PRKN: variants seen among roughly 807,000 people sequenced by gnomAD.
The protein encoded by PRKN is parkin RBR E3 ubiquitin protein ligase.
Under a neutral mutation model 59.5 loss-of-function variants are expected in PRKN, and 56 were observed. The observed-to-expected ratio is 0.94, with a 90% CI of 0.76 to 1.18. PRKN has a LOEUF of 1.18. Ranked by LOEUF, PRKN falls within the 50% of genes most tolerant of loss-of-function variation. The pLI is 0.00. For synonymous variants in PRKN, 250 were observed against 222.1 expected (o/e 1.13, Z -1.12); for missense variants, 657 against 596.4 (o/e 1.10, Z -1.06).
chr6:161,959,580 C>T (rs1485846345), intron 6 of PRKN, among the ~76,000 whole-genome samples: 1 of 152,206 alleles, frequency 6.6e-6, no homozygotes, highest in Non-Finnish European at 1.5e-5. Context: ...TACGTGTCCA[C>T]ACTATTCCTC....
rs964539008 is a variant in PRKN at position 161,372,788 on chromosome 6, C to G, written c.1168-12583G>C. ...CGGAGAACTACTGCTCGCAGAAGGT[C>G]TACATACACTGTGGTCAACAAAGAC... On this transcript the variant is annotated intron_variant, in intron 10 of 11. Coordinates refer to ENST00000366898, the MANE Select transcript of PRKN (RefSeq NM_004562.3). This position sits in a 1 kb window ranked among gnomAD's most constrained non-coding sequence, Gnocchi z 4.2. Among the ~76,000 whole-genome samples, 28 of 149,972 alleles carry G rather than the reference C, an allele frequency of 1.9e-4. No homozygotes were observed. The highest frequency in any genetic ancestry group is 3.8e-4 in the Non-Finnish European group (26 of 67,692).
chr6:161,496,989 T>C (rs1335761564), intron 9 of PRKN, among the ~76,000 whole-genome samples: 1 of 152,342 alleles, frequency 6.6e-6, no homozygotes, highest in East Asian at 1.9e-4. Flanking sequence ...ATTTCTGCTG[T>C]TCTACGCCAC....
At chr6:161,559,356 T>G (rs1453565436) in intron 8 of PRKN, among the ~76,000 whole-genome samples, 2 of 152,206 alleles carry the variant, frequency 1.3e-5, no homozygotes, top group East Asian at 3.9e-4. Context: ...CTTCAGAGAC[T>G]CCTGTAGACT....
rs145802493 is a variant in PRKN, at chr6:161,584,582, A to C, written c.872-15166T>G. On this transcript the variant is annotated intron_variant, in intron 7 of 11. Transcript: ENST00000366898. The surrounding 1 kb of genome is among the most constrained non-coding windows in gnomAD (Gnocchi z 4.8). ...AAGGTAAAAAGAAATGATGTTGAGG[A>C]TTTCCTGGTTTTATTGTAAGAGAGT... is the stretch of plus-strand genomic sequence containing the variant. 6.6e-6 allele frequency among the ~76,000 whole-genome samples: 1 copy of C among 152,240 alleles called. No individual in the cohort carries two copies. The highest frequency in any genetic ancestry group is 1.5e-5 in the Non-Finnish European group (1 of 68,016).
chr6:162,488,263 G>C (rs1792648484), intron 1 of PRKN, among the ~76,000 whole-genome samples: 1 of 151,970 alleles, frequency 6.6e-6, no homozygotes, highest in African/African-American at 2.4e-5. Flanking sequence ...AGAATCTCCA[G>C]GCATGCATGT....
intron 4 of PRKN, among the ~76,000 whole-genome samples, chr6:162,083,143 C>T (rs745931428): frequency 1.3e-4 from 19 of 151,850 alleles, no homozygotes; most frequent in Middle Eastern, 3.2e-3. Context: ...TTAATAGAGA[C>T]GGGGTTTTTC....
chr6:161,770,891 G>A (rs1789644882), intron 7 of PRKN, among the ~76,000 whole-genome samples: 1 of 152,218 alleles, frequency 6.6e-6, no homozygotes, highest in South Asian at 2.1e-4. Flanking sequence ...GACCACAGGA[G>A]GACACAGGCA....
At position 162,335,239 on chromosome 6, in the gene PRKN, G is replaced by A. The variant is rs535659423; in HGVS notation, c.172-72474C>T. ...GTATTTTTAGTAGAGATGGGGTTTC[G>A]CTAGGTTAGGCAGGGTGGTCTTGAA... On this transcript the variant is annotated intron_variant, in intron 2 of 11. Coordinates refer to ENST00000366898, the MANE Select transcript of PRKN (RefSeq NM_004562.3). Among the ~76,000 whole-genome samples, 18 of 150,622 alleles carry A rather than the reference G, an allele frequency of 1.2e-4. No individual in the cohort carries two copies. The East Asian group carries it at 2.7e-3, about 23-fold the overall frequency.
chr6:162,506,616 G>A (rs1793618408), intron 1 of PRKN, among the ~76,000 whole-genome samples: 1 of 152,198 alleles, frequency 6.6e-6, no homozygotes, highest in South Asian at 2.1e-4. Context: ...AGTTTAGGAA[G>A]AGGTGGGATA....
chr6:162,483,135 A>G (rs1003009397), intron 1 of PRKN, among the ~76,000 whole-genome samples: 21 of 152,294 alleles, frequency 1.4e-4, no homozygotes, highest in Admixed American at 4.6e-4. Context: ...GACAAACATA[A>G]TGTGAACCCC....
intron 1 of PRKN, among the ~76,000 whole-genome samples, chr6:162,575,340 C>A (rs1780515423): frequency 6.6e-6 from 1 of 152,076 alleles, no homozygotes; most frequent in South Asian, 2.1e-4. Flanking sequence ...CATTTTTAAC[C>A]CTGACCTTTA....
intron 7 of PRKN, among the ~76,000 whole-genome samples, chr6:161,739,532 T>TA (rs1215831762): frequency 1.3e-5 from 2 of 152,224 alleles, no homozygotes; most frequent in Non-Finnish European, 2.9e-5. Context: ...TATTCATACT[T>TA]ACGTGTATAA....
At chr6:162,036,883 A>C (rs921688192) in intron 5 of PRKN, among the ~76,000 whole-genome samples, 3 of 152,216 alleles carry the variant, frequency 2.0e-5, no homozygotes, top group Non-Finnish European at 2.9e-5. Flanking sequence ...AAAAGAAAAT[A>C]ACCATAATAG....
intron 7 of PRKN, among the ~76,000 whole-genome samples, chr6:161,663,788 C>G (rs1784631010): frequency 6.6e-6 from 1 of 152,206 alleles, no homozygotes; most frequent in South Asian, 2.1e-4. Flanking sequence ...TTGCCTCCTT[C>G]TTTCCTATGA....
At chr6:162,690,860 C>G (rs1390688148) in intron 1 of PRKN, among the ~76,000 whole-genome samples, 1 of 151,330 alleles carries the variant, frequency 6.6e-6, no homozygotes, top group Non-Finnish European at 1.5e-5. Context: ...TTGAAAAACC[C>G]TTGGGTTTTT....
chr6:161,880,472 C>T (rs1046323834), intron 6 of PRKN, among the ~76,000 whole-genome samples: 19 of 152,120 alleles, frequency 1.2e-4, no homozygotes, highest in African/African-American at 3.4e-4. Context: ...ATCTCTGCAT[C>T]GTTATTTTTC....
chr6:162,220,925 G>A (rs1777901295), intron 3 of PRKN, among the ~76,000 whole-genome samples: 1 of 152,214 alleles, frequency 6.6e-6, no homozygotes, highest in African/African-American at 2.4e-5. Context: ...GGGATGTATT[G>A]TGAATGTATT....
intron 1 of PRKN, among the ~76,000 whole-genome samples, chr6:162,641,905 A>G (rs1252247836): frequency 6.6e-6 from 1 of 152,180 alleles, no homozygotes; most frequent in African/African-American, 2.4e-5. Flanking sequence ...ACAGATTCAG[A>G]TATTATAAAA....
At chr6:161,628,549 A>T (rs1174749885) in intron 7 of PRKN, among the ~76,000 whole-genome samples, 1 of 152,210 alleles carries the variant, frequency 6.6e-6, no homozygotes, top group Non-Finnish European at 1.5e-5. Context: ...TTTTGGAGGG[A>T]CACAAACCTT....
Sources: gnomAD v4.1 joint callset for allele counts (sites outside exome capture counted in the v4.1 genomes callset) on GRCh38, gnomAD v4.1.1 for gene constraint, Gnocchi (gnomAD v3.1) non-coding constraint, MANE v1.5 for transcripts, NCBI Gene and HGNC (gene_info 2026-07-23, HGNC 2026-07-21) for gene names.